Variants in F5 observed in about 807,000 individuals in gnomAD.
F5 encodes the protein coagulation factor V, also known as activated protein c cofactor.
In F5, 138 loss-of-function variants were observed where a neutral mutation model predicts 216.4. The observed-to-expected ratio is 0.64, with a 90% CI of 0.56 to 0.73. The LOEUF is 0.73. F5 is among the 30% of genes least tolerant of loss of function. The pLI is 0.00. For synonymous variants in F5, 916 were observed against 930.7 expected (o/e 0.98, Z 0.29); for missense variants, 2,403 against 2,674.0 (o/e 0.90, Z 2.24).
At position 169,542,649 on chromosome 1, in the gene F5, A is replaced by G. The variant is rs755332929; in HGVS notation, c.2441T>C (p.Ile814Thr). 1.9e-6 allele frequency: 3 copies of G among 1,613,986 alleles called. No homozygotes were observed. Among genetic ancestry groups the G allele is most frequent in the African/African-American group, 1.3e-5 (1 of 74,910 alleles). Residue 814 changes from isoleucine to threonine, a missense_variant, in exon 13 of 25, where the codon ATT becomes ACT. Around this residue, in one of 4 missense-constraint regions of F5, gnomAD observed 1,425 missense variants for 1,554.8 expected, o/e 0.92. Transcript: ENST00000367797. ...TTAGSPLRHL[I>T]GKNSVLNSST... The stretch of plus-strand genomic sequence containing the variant: ...AGAATTGAGAACTGAGTTCTTGCCA[A>G]TGAGGTGTCTCAGTGGGGAACCAGC...
intron 5 of F5, among the ~76,000 whole-genome samples, chr1:169,558,143 C>A (rs1331189872): frequency 6.6e-6 from 1 of 152,158 alleles, no homozygotes; most frequent in Non-Finnish European, 1.5e-5. Flanking sequence ...GGTTAGTCCA[C>A]TTTTGTAAGT....
chr1:169,562,794 A>G (rs1200745635), intron 3 of F5, among the ~76,000 whole-genome samples: 1 of 152,040 alleles, frequency 6.6e-6, no homozygotes, highest in African/African-American at 2.4e-5. Context: ...ATTTATATAT[A>G]CATAATATAC....
At position 169,582,425 on chromosome 1, in the gene F5, G is replaced by C. The variant is rs1460830002; in HGVS notation, c.250+6C>G. ...TTAAAATTAAAAAAGTATATTTCAGGCTTACCTGAAATGGTAGATTGTGGT... is the reference window on the plus strand; with the variant it reads ...TTAAAATTAAAAAAGTATATTTCAGCCTTACCTGAAATGGTAGATTGTGGT... On this transcript the variant is annotated splice_donor_region_variant and intron_variant, in intron 2 of 24. Coordinates refer to ENST00000367797, the MANE Select transcript of F5 (RefSeq NM_000130.5). 3.4e-6 allele frequency: 5 copies of C among 1,461,624 alleles called. No individual in the cohort carries two copies. The highest frequency in any genetic ancestry group is 4.8e-6 in the Non-Finnish European group (5 of 1,049,966). The allele number at this position is 1,461,624 out of a possible 1,614,324, so 90.5% of individuals were successfully genotyped here.
intron 7 of F5, among the ~76,000 whole-genome samples, chr1:169,554,426 A>G (rs1430108865): frequency 1.3e-5 from 2 of 152,204 alleles, no homozygotes; most frequent in African/African-American, 2.4e-5. Context: ...GTATGAATGT[A>G]TCCTAATTTA....
Position 169,541,972 on chromosome 1 carries a change from G to GGT in F5, c.3116_3117dup (p.His1040ThrfsTer13). 3 of 1,613,978 alleles carry GGT rather than the reference G, an allele frequency of 1.9e-6. No homozygotes were observed. The highest frequency in any genetic ancestry group is 2.5e-6 in the Non-Finnish European group (3 of 1,179,990). ...AAGGTCCTCGGAGATAAAGGAGCAT[G>GGT]GTGTGTGTGCTTCTCTTTTTTCTTT... On this transcript the variant is annotated frameshift_variant, in exon 13 of 25. Transcript: ENST00000367797. LOFTEE classifies it high-confidence loss of function.
At position 169,525,939 on chromosome 1, in the gene F5, C is replaced by T. The variant is rs944373509; in HGVS notation, c.5678G>A (p.Arg1893Lys). Reference sequence around the variant, plus strand: ...AAGAAATGGCGTTTGCATCCCTGCTCTCTGGTTTTCTCCAACCTCTGTGTT... The same window carrying T: ...AAGAAATGGCGTTTGCATCCCTGCTTTCTGGTTTTCTCCAACCTCTGTGTT... ...LLNTEVGENQ[R>K]AGMQTPFLIM... Residue 1893 changes from arginine (R) to lysine (K), a missense_variant, in exon 18 of 25, where the codon AGA becomes AAA. This residue lies in a region of F5 where 659 missense variants were observed against 787.9 expected (regional missense o/e 0.84). Transcript: ENST00000367797. The T allele has an allele frequency of 1.2e-6, 2 of 1,613,334 alleles. No individual in the cohort carries two copies. Among genetic ancestry groups the T allele is most frequent in the South Asian group, 1.1e-5 (1 of 91,050 alleles).
intron 8 of F5, among the ~76,000 whole-genome samples, chr1:169,551,587 A>C (rs996928845): frequency 6.6e-6 from 1 of 152,226 alleles, no homozygotes; most frequent in African/African-American, 2.4e-5. Context: ...GAGAAAAAAA[A>C]CTGCTTTTGT....
Position 169,544,515 on chromosome 1 carries a change from G to A in F5, c.1763-7C>T, listed in dbSNP as rs1336613933. The A allele has an allele frequency of 6.2e-7, 1 of 1,612,750 alleles. No individual in the cohort carries two copies. Among genetic ancestry groups the A allele is most frequent in the Non-Finnish European group, 8.5e-7 (1 of 1,179,068 alleles). Reference sequence around the variant, plus strand: ...GGCACATAGCCATTGATAGCTGAAAGTGTAAAATCTGTTAAAATTCCAAGT... The same window carrying A: ...GGCACATAGCCATTGATAGCTGAAAATGTAAAATCTGTTAAAATTCCAAGT... On this transcript the variant is annotated splice_region_variant and splice_polypyrimidine_tract_variant and intron_variant, in intron 11 of 24. Transcript: ENST00000367797.
chr1:169,544,953 T>G (rs1440034366), intron 11 of F5, among the ~76,000 whole-genome samples: 4 of 152,260 alleles, frequency 2.6e-5, no homozygotes, highest in Non-Finnish European at 5.9e-5. Context: ...TGCTGTCTTA[T>G]AATCTACATA....
At chr1:169,581,509 G>A (rs57861658) in intron 2 of F5, among the ~76,000 whole-genome samples, 6,949 of 151,942 alleles carry the variant, frequency 0.046, 527 homozygotes, top group African/African-American at 0.16. Flanking sequence ...TTTTGGTTTA[G>A]TCGTTGATTT....
intron 1 of F5, among the ~76,000 whole-genome samples, chr1:169,585,621 GA>G (rs1025429919): frequency 3.3e-4 from 49 of 149,436 alleles, no homozygotes; most frequent in African/African-American, 1.1e-3. Flanking sequence ...TGAACAGAGA[GA>G]AAAAAAAATG....
Position 169,586,449 on chromosome 1 carries a change from G to A in F5, c.-63C>T, listed in dbSNP as rs1571608628. Reference sequence around the variant, plus strand: ...GGACCTGGGCAGCGCTTGCCGAGCTGCTAACCACACTCCGGGCTGTCCCAG... The same window carrying A: ...GGACCTGGGCAGCGCTTGCCGAGCTACTAACCACACTCCGGGCTGTCCCAG... On this transcript the variant is annotated 5_prime_UTR_variant, in exon 1 of 25. Transcript: ENST00000367797. 6.4e-7 allele frequency: 1 copy of A among 1,573,518 alleles called. No individual in the cohort carries two copies. Among genetic ancestry groups the A allele is most frequent in the Non-Finnish European group, 8.6e-7 (1 of 1,164,360 alleles).
chr1:169,519,549 A>C (rs1017371010), intron 22 of F5, among the ~76,000 whole-genome samples: 4 of 152,226 alleles, frequency 2.6e-5, no homozygotes, highest in Non-Finnish European at 5.9e-5. Flanking sequence ...CAAAATACCC[A>C]TATCCATCCA....
chr1:169,558,091 A>G (rs1660373547), intron 5 of F5, among the ~76,000 whole-genome samples: 1 of 152,160 alleles, frequency 6.6e-6, no homozygotes, highest in African/African-American at 2.4e-5. Flanking sequence ...ATATACTTAT[A>G]CAGATTGTTC....
At chr1:169,531,691 C>G (rs10800452) in intron 14 of F5, among the ~76,000 whole-genome samples, 8,989 of 151,492 alleles carry the variant, frequency 0.059, 362 homozygotes, top group Admixed American at 0.1. Flanking sequence ...AGAAATGAGG[C>G]TAGAAAAGGA....
chr1:169,517,599 T>C (rs1659189564), intron 23 of F5, among the ~76,000 whole-genome samples: 2 of 152,152 alleles, frequency 1.3e-5, no homozygotes, highest in Admixed American at 6.5e-5. Flanking sequence ...TCTCAGGTCA[T>C]TTAAAGAATT....
In F5 at chr1:169,519,803, T is replaced by C. The variant is rs560864656; in HGVS notation, c.6193+717A>G. On this transcript the variant is annotated intron_variant, in intron 22 of 24. Transcript: ENST00000367797. Reference sequence around the variant, plus strand: ...AGATTTATTGCTTCATTCTTTTACCTCAGAATGCCAGGCAGATATTATTTT... The same window carrying C: ...AGATTTATTGCTTCATTCTTTTACCCCAGAATGCCAGGCAGATATTATTTT... 3.0e-4 allele frequency among the ~76,000 whole-genome samples: 45 copies of C among 152,254 alleles called. No individual in the cohort carries two copies. The South Asian group carries it at 9.3e-3, about 32-fold the overall frequency.
At chr1:169,538,083 C>T (rs1257805816) in intron 13 of F5, among the ~76,000 whole-genome samples, 2 of 151,984 alleles carry the variant, frequency 1.3e-5, no homozygotes, top group Non-Finnish European at 2.9e-5. Context: ...ACCCAAATGT[C>T]TATAAACAAA....
chr1:169,517,613 A>G (rs1659189889), intron 23 of F5, among the ~76,000 whole-genome samples: 1 of 152,182 alleles, frequency 6.6e-6, no homozygotes, highest in Non-Finnish European at 1.5e-5. Context: ...AAGAATTAAT[A>G]AAAATGAGTC....
Sources: allele counts gnomAD v4.1 joint callset (sites outside exome capture counted in the v4.1 genomes callset), GRCh38; gene constraint gnomAD v4.1.1; regional missense constraint gnomAD v4.1.1; transcripts MANE v1.5; gene names NCBI Gene and HGNC (gene_info 2026-07-23, HGNC 2026-07-21).